The following ADGRV1 variants were observed in gnomAD, a reference collection of about 807,000 sequenced individuals.
The protein encoded by ADGRV1 is G-protein coupled receptor 98.
ADGRV1 carries 359 observed loss-of-function variants against 596.2 expected under a neutral mutation model. The ratio of observed to expected loss-of-function variants is 0.60; its 90% CI spans 0.55 to 0.66. The LOEUF is 0.66. ADGRV1 is among the 30% of genes least tolerant of loss of function. The pLI is 0.00. For missense variants in ADGRV1, 7,274 were observed against 7,575.6 expected, an observed-to-expected ratio of 0.96 and a Z score of 1.48; for synonymous variants, 2,681 against 2,679.2, an observed-to-expected ratio of 1.00 and a Z score of -0.02.
At chr5:90,839,828 C>G (rs1207620271) in intron 77 of ADGRV1, among the ~76,000 whole-genome samples, 2 of 152,166 alleles carry the variant, frequency 1.3e-5, no homozygotes, top group African/African-American at 4.8e-5. Context: ...TTCCACAACC[C>G]TTGTACAACC....
rs1465151895 is a variant in ADGRV1, at chr5:90,692,680, C to T, written c.7027C>T (p.Pro2343Ser). Residue 2343 changes from proline to serine, a missense_variant, in exon 32 of 90, where the codon CCT (proline) becomes TCT (serine). Physicochemically the swap from Pro to Ser is moderately conservative, Grantham distance 74 (BLOSUM62 -1). Coordinates refer to ENST00000405460, the MANE Select transcript of ADGRV1 (RefSeq NM_032119.4). The stretch of plus-strand genomic sequence containing the variant: ...AGATCGAATTGCAAATATTATTATT[C>T]CTGCCAATGATGATCCTTATGGTAC... The part of the protein sequence containing the change: ...GLDRIANIII[P>S]ANDDPYGTVA... 1 of 1,611,012 alleles carries T rather than the reference C, an allele frequency of 6.2e-7. No homozygotes were observed. Among genetic ancestry groups the T allele is most frequent in the Non-Finnish European group, 8.5e-7 (1 of 1,178,560 alleles).
chr5:90,789,833 C>T lies in ADGRV1; in HGVS notation c.14025C>T (p.Gly4675=), dbSNP rs778170662. ...LITFFVRRVK[G]TFGEIMVYWE... ...CCTTCTTTGTCAGAAGAGTCAAGGG[C>T]ACCTTTGGAGAGATTATGGTATTAC... Residue 4675 remains glycine (G), a synonymous_variant, in exon 69 of 90, where the codon GGC becomes GGT. Transcript: ENST00000405460. 4 of 1,474,542 alleles carry T rather than the reference C, an allele frequency of 2.7e-6. No individual in the cohort carries two copies. The highest frequency in any genetic ancestry group is 3.6e-6 in the Non-Finnish European group (4 of 1,106,966). 91.3% of individuals were successfully genotyped at this position (1,474,542 alleles called of 1,614,324 possible).
chr5:91,158,386 T>C (rs1221219625), intron 89 of ADGRV1, among the ~76,000 whole-genome samples: 1 of 152,234 alleles, frequency 6.6e-6, no homozygotes, highest in African/African-American at 2.4e-5. Flanking sequence ...CTGTGGTTTT[T>C]ACATCTTAAT....
In ADGRV1 at chr5:90,685,844, T is replaced by C; in HGVS notation, c.6339T>C (p.Asn2113=). The C allele has an allele frequency of 1.2e-6, 2 of 1,612,424 alleles. No individual in the cohort carries two copies. The highest frequency in any genetic ancestry group is 3.3e-4 in the Middle Eastern group (2 of 6,062). ...ETIAQLIIIA[N]DDAFGTLQLS... ...TTGCGCAACTAATTATCATTGCCAATGATGATGCATTTGGAACTCTTCAGC... is the reference window on the plus strand; with the variant it reads ...TTGCGCAACTAATTATCATTGCCAACGATGATGCATTTGGAACTCTTCAGC... Residue 2113 remains asparagine (N), a synonymous_variant, in exon 29 of 90, where the codon AAT becomes AAC. Coordinates refer to ENST00000405460, the MANE Select transcript of ADGRV1 (RefSeq NM_032119.4).
chr5:90,946,192 G>A (rs1420775860), intron 83 of ADGRV1, among the ~76,000 whole-genome samples: 5 of 152,052 alleles, frequency 3.3e-5, no homozygotes, highest in Admixed American at 2.6e-4. Flanking sequence ...GGCTTGGTTT[G>A]TTCAAGAAAA....
Position 90,891,589 on chromosome 5 carries a change from T to C in ADGRV1, c.17856+27732T>C, listed in dbSNP as rs77286745. On this transcript the variant is annotated intron_variant, in intron 83 of 89. Transcript: ENST00000405460. ...GTACTGATAATCATCTCATCAATTA[T>C]GGTGTGATGATAAAACAATAAAATA... Among the ~76,000 whole-genome samples the C allele has an allele frequency of 8.3e-3, 1,255 of 152,042 alleles. 12 individuals carry two copies. Among genetic ancestry groups the C allele is most frequent in the African/African-American group, 0.029 (1,209 of 41,548 alleles).
At chr5:90,637,139 CATG>C (rs1256650003) in intron 10 of ADGRV1, among the ~76,000 whole-genome samples, 2 of 152,112 alleles carry the variant, frequency 1.3e-5, no homozygotes, top group African/African-American at 2.4e-5. Context: ...CTTTATTTCA[CATG>C]AGAAAATTAG....
chr5:91,031,771 CTT>C (rs532657580), intron 85 of ADGRV1, among the ~76,000 whole-genome samples: 1 of 152,232 alleles, frequency 6.6e-6, no homozygotes, highest in South Asian at 2.1e-4. Flanking sequence ...TCTTTAAACA[CTT>C]ATATTTCATT....
chr5:91,109,202 C>G (rs912992716), intron 87 of ADGRV1, among the ~76,000 whole-genome samples: 1 of 152,120 alleles, frequency 6.6e-6, no homozygotes, highest in African/African-American at 2.4e-5. Flanking sequence ...AACTTTTACT[C>G]AAATTCTTAT....
chr5:91,120,844 G>A (rs1793249628), intron 87 of ADGRV1, among the ~76,000 whole-genome samples: 2 of 152,186 alleles, frequency 1.3e-5, no homozygotes, highest in South Asian at 4.1e-4. Flanking sequence ...TGTACAGAAG[G>A]GAATGAGATG....
intron 43 of ADGRV1, among the ~76,000 whole-genome samples, chr5:90,718,744 G>A (rs1030518365): frequency 7.6e-4 from 115 of 150,548 alleles, no homozygotes; most frequent in African/African-American, 2.4e-3. Context: ...ATTTTCTATT[G>A]CTTTATTCAT....
intron 47 of ADGRV1, 42 bp downstream of exon 47, chr5:90,725,274 A>T (rs775607197): frequency 9.5e-6 from 11 of 1,153,194 alleles, no homozygotes; most frequent in Non-Finnish European, 8.3e-6. Flanking sequence ...TTTCTTTAAA[A>T]GAAATTAAGA....
In ADGRV1 at chr5:91,022,001, C is replaced by T. The variant is rs771918790; in HGVS notation, c.18152+36479C>T. On this transcript the variant is annotated intron_variant, in intron 85 of 89. Coordinates refer to ENST00000405460, the MANE Select transcript of ADGRV1 (RefSeq NM_032119.4). Reference sequence around the variant, plus strand: ...TAGCGTAGTCTTCAGTCAAGAAAAGCGGCAATCGAGAGTATCAATATAGTG... The same window carrying T: ...TAGCGTAGTCTTCAGTCAAGAAAAGTGGCAATCGAGAGTATCAATATAGTG... Among the ~76,000 whole-genome samples the T allele has an allele frequency of 3.6e-4, 54 of 152,032 alleles. No homozygotes were observed. In the South Asian group the frequency reaches 5.4e-3, roughly 15 times the overall value.
chr5:91,035,420 T>C (rs114715898), intron 85 of ADGRV1, among the ~76,000 whole-genome samples: 1,988 of 152,280 alleles, frequency 0.013, 34 homozygotes, highest in African/African-American at 0.045. Context: ...CATTTTCCTC[T>C]TCCCCAATAT....
In ADGRV1 at chr5:90,716,478, G is replaced by A. The variant is rs912783937; in HGVS notation, c.9196G>A (p.Val3066Ile). 7 of 1,572,968 alleles carry A rather than the reference G, an allele frequency of 4.5e-6. No individual in the cohort carries two copies. Among genetic ancestry groups the A allele is most frequent in the Non-Finnish European group, 6.0e-6 (7 of 1,157,424 alleles). ...TTTTATTTTGGCAGCCTTAATTATT[G>A]TCCTTGCTAATGATGACGGCCCTGG... Reference protein sequence around the residue: ...LGKNTIALIIVLANDDGPGVL... With the variant: ...LGKNTIALIIILANDDGPGVL... Residue 3066 changes from valine (V) to isoleucine (I), a missense_variant, in exon 43 of 90, where the codon GTC (valine) becomes ATC (isoleucine). Val to Ile is a conservative substitution (Grantham distance 29). Transcript: ENST00000405460.
intron 77 of ADGRV1, among the ~76,000 whole-genome samples, chr5:90,838,429 G>C (rs543706979): frequency 6.6e-6 from 1 of 151,872 alleles, no homozygotes; most frequent in African/African-American, 2.4e-5. Context: ...TCAATCTCCA[G>C]GCTAGACTAT....
chr5:90,802,831 G>A lies in ADGRV1; in HGVS notation c.14610G>A (p.Gln4870=). The change falls in exon 71 of 90, where the codon CAG becomes CAA. Residue 4870 remains glutamine (Q), a synonymous_variant. Coordinates refer to ENST00000405460, the MANE Select transcript of ADGRV1 (RefSeq NM_032119.4). ...TCTATGGAATGCCAACAATTCTTCA[G>A]GAAGCAAAATCTGCTGTCCTTCCAG... The part of the protein sequence containing the change: ...GRFYGMPTIL[Q]EAKSAVLPVS... The A allele has an allele frequency of 1.9e-6, 3 of 1,611,514 alleles. No individual in the cohort carries two copies. Among genetic ancestry groups the A allele is most frequent in the Non-Finnish European group, 2.5e-6 (3 of 1,178,916 alleles).
chr5:90,748,892 C>T (rs966518603), intron 52 of ADGRV1, among the ~76,000 whole-genome samples: 6 of 148,782 alleles, frequency 4.0e-5, no homozygotes, highest in Non-Finnish European at 8.8e-5. Flanking sequence ...TTTATCCCTG[C>T]ACCCAGAAAA....
intron 1 of ADGRV1, among the ~76,000 whole-genome samples, chr5:90,606,973 G>T (rs998129277): frequency 4.6e-5 from 7 of 152,082 alleles, no homozygotes; most frequent in Non-Finnish European, 8.8e-5. Flanking sequence ...TTTATATTAG[G>T]AATTATCATG....
Sources: allele counts gnomAD v4.1 joint callset (sites outside exome capture counted in the v4.1 genomes callset), GRCh38; gene constraint gnomAD v4.1.1; transcripts MANE v1.5; gene names NCBI Gene and HGNC (gene_info 2026-07-23, HGNC 2026-07-21).